PCDH9: variants seen among roughly 807,000 people sequenced by gnomAD.
PCDH9 encodes protocadherin 9, also known as protocadherin-9.
In PCDH9, 24 loss-of-function variants were observed where a neutral mutation model predicts 70.6. The observed-to-expected ratio is 0.34, with a 90% CI of 0.25 to 0.48. PCDH9 has a LOEUF of 0.48. PCDH9 is among the 20% of genes least tolerant of loss of function. PCDH9 has a pLI of 0.99. For synonymous variants in PCDH9, 562 were observed against 558.5 expected (o/e 1.01, Z -0.09); for missense variants, 1,281 against 1,503.6 (o/e 0.85, Z 2.45).
At chr13:66,864,004 G>A (rs1270601683) in intron 3 of PCDH9, among the ~76,000 whole-genome samples, 1 of 152,054 alleles carries the variant, frequency 6.6e-6, no homozygotes, top group East Asian at 1.9e-4. Flanking sequence ...GTGGCAGCAA[G>A]GACAAGTGCC....
At chr13:66,815,263 CA>C in intron 3 of PCDH9, among the ~76,000 whole-genome samples, 1 of 152,042 alleles carries the variant, frequency 6.6e-6, no homozygotes, top group East Asian at 1.9e-4. Context: ...ATTAAAAAGT[CA>C]AAAAAATAAC....
intron 2 of PCDH9, among the ~76,000 whole-genome samples, chr13:67,067,787 G>A (rs1184967124): frequency 7.5e-6 from 1 of 134,098 alleles, no homozygotes; most frequent in Non-Finnish European, 1.6e-5. Context: ...GATGGGGGGG[G>A]CAGTTTCATC....
chr13:66,879,466 T>G (rs2081883299), intron 3 of PCDH9, among the ~76,000 whole-genome samples: 1 of 151,920 alleles, frequency 6.6e-6, no homozygotes, highest in Non-Finnish European at 1.5e-5. Flanking sequence ...TTGCTTTCCT[T>G]GTAGTCCCCA....
chr13:67,029,875 A>C (rs1191813943), intron 2 of PCDH9, among the ~76,000 whole-genome samples: 2 of 152,146 alleles, frequency 1.3e-5, no homozygotes, highest in Non-Finnish European at 2.9e-5. Flanking sequence ...TTTTGAAACA[A>C]GCCAGAACAC....
In PCDH9 at chr13:66,455,825, A is replaced by T. The variant is rs1594009884; in HGVS notation, c.3341-150797T>A. ...GTAAGTAAAAATATCCAGCCAATAT[A>T]GTGTATTGTAGTAAATTTTATATAC... On this transcript the variant is annotated intron_variant, in intron 4 of 4. Transcript: ENST00000377865. Among the ~76,000 whole-genome samples the T allele has an allele frequency of 2.0e-5, 3 of 152,228 alleles. No individual in the cohort carries two copies. The South Asian group carries it at 6.2e-4, about 32-fold the overall frequency.
At position 66,304,201 on chromosome 13, in the gene PCDH9, T is replaced by C. The variant is rs1955418054; in HGVS notation, c.*454A>G. The C allele has an allele frequency of 6.6e-6, 1 of 151,202 alleles. No homozygotes were observed. Among genetic ancestry groups the C allele is most frequent in the South Asian group, 2.0e-4 (1 of 5,084 alleles). 9.4% of individuals were successfully genotyped at this position (151,202 alleles called of 1,614,324 possible). ...CAGCACAATAGGTTTAATGCTTATC[T>C]CTTTAAGTTTTGTTTGCAGTATAAT... On this transcript the variant is annotated 3_prime_UTR_variant, in exon 5 of 5. Coordinates refer to ENST00000377865, the MANE Select transcript of PCDH9 (RefSeq NM_203487.3).
intron 3 of PCDH9, among the ~76,000 whole-genome samples, chr13:66,767,080 A>G (rs1010462075): frequency 6.6e-5 from 10 of 152,078 alleles, no homozygotes; most frequent in Non-Finnish European, 1.5e-4. Flanking sequence ...TAGGTCTGAT[A>G]CAGCGTCTAA....
intron 3 of PCDH9, among the ~76,000 whole-genome samples, chr13:66,722,719 G>A (rs948919151): frequency 1.3e-5 from 2 of 152,108 alleles, no homozygotes; most frequent in Admixed American, 6.5e-5. Context: ...TGTAATCCCA[G>A]CACTTTGGGA....
chr13:66,636,603 G>T (rs909539265), intron 3 of PCDH9, among the ~76,000 whole-genome samples: 1 of 152,020 alleles, frequency 6.6e-6, no homozygotes, highest in South Asian at 2.1e-4. Flanking sequence ...ATTTGTAATT[G>T]TTTAAATATG....
intron 3 of PCDH9, among the ~76,000 whole-genome samples, chr13:66,840,402 A>G (rs796644642): frequency 1.3e-5 from 2 of 152,364 alleles, no homozygotes; most frequent in African/African-American, 4.8e-5. Flanking sequence ...TGACTTATTC[A>G]TGGGCATTGA....
intron 4 of PCDH9, among the ~76,000 whole-genome samples, chr13:66,472,161 G>A (rs1363821439): frequency 1.4e-5 from 2 of 142,294 alleles, no homozygotes; most frequent in Admixed American, 1.5e-4. Flanking sequence ...ACAGTGAGCC[G>A]ATATCGTGCC....
At chr13:66,796,785 ATG>A (rs1310342764) in intron 3 of PCDH9, among the ~76,000 whole-genome samples, 5 of 152,198 alleles carry the variant, frequency 3.3e-5, no homozygotes, top group Admixed American at 1.3e-4. Flanking sequence ...ATTATATTAG[ATG>A]TGTGTTATTA....
intron 4 of PCDH9, among the ~76,000 whole-genome samples, chr13:66,473,972 T>C (rs1330069214): frequency 6.6e-6 from 1 of 152,200 alleles, no homozygotes; most frequent in African/African-American, 2.4e-5. Context: ...GATATGTGTA[T>C]AGCAACAATA....
Position 66,750,988 on chromosome 13 carries a change from C to T in PCDH9, c.3139-119577G>A, listed in dbSNP as rs1050218138. On this transcript the variant is annotated intron_variant, in intron 3 of 4. Coordinates refer to ENST00000377865, the MANE Select transcript of PCDH9 (RefSeq NM_203487.3). ...TTTCTAAGACATGAAATATCAGAAA[C>T]GGGCCATTTTAATTTGTATTAAACA... Among the ~76,000 whole-genome samples, 3 of 152,110 alleles carry T rather than the reference C, an allele frequency of 2.0e-5. No homozygotes were observed. In the East Asian group the frequency reaches 5.8e-4, roughly 30 times the overall value.
At chr13:66,873,559 T>C (rs1313442956) in intron 3 of PCDH9, among the ~76,000 whole-genome samples, 1 of 152,160 alleles carries the variant, frequency 6.6e-6, no homozygotes, top group Admixed American at 6.6e-5. Context: ...CAGGTTTTTC[T>C]CCTAATCTCC....
chr13:67,226,312 T>C lies in PCDH9; in HGVS notation c.2129A>G (p.Asn710Ser). The change falls in exon 2 of 5, where the codon AAC (asparagine) becomes AGC (serine). Residue 710 changes from asparagine to serine, a missense_variant. By Grantham distance (46) the Asn-to-Ser change is conservative (BLOSUM62 1). This residue lies in a region of PCDH9 where 798 missense variants were observed against 1,003.1 expected (regional missense o/e 0.80). Coordinates refer to ENST00000377865, the MANE Select transcript of PCDH9 (RefSeq NM_203487.3). This position sits in a 1 kb window ranked among gnomAD's most constrained non-coding sequence, Gnocchi z 5.0. Reference protein sequence around the residue: ...VFAVDVDTGMNAELKYTIVSG... With the variant: ...VFAVDVDTGMSAELKYTIVSG... The stretch of plus-strand genomic sequence containing the variant: ...CACTATAGTATACTTTAGTTCAGCG[T>C]TCATTCCAGTGTCAACATCCACTGC... 5 of 1,614,206 alleles carry C rather than the reference T, an allele frequency of 3.1e-6. No homozygotes were observed. Among genetic ancestry groups the C allele is most frequent in the Non-Finnish European group, 2.5e-6 (3 of 1,180,018 alleles).
chr13:66,879,529 T>C (rs992045372), intron 3 of PCDH9, among the ~76,000 whole-genome samples: 4 of 152,122 alleles, frequency 2.6e-5, no homozygotes, highest in African/African-American at 9.7e-5. Flanking sequence ...ACACACATCA[T>C]TACAGATGAC....
chr13:66,744,421 A>T (rs1170518647), intron 3 of PCDH9, among the ~76,000 whole-genome samples: 1 of 152,152 alleles, frequency 6.6e-6, no homozygotes, highest in Non-Finnish European at 1.5e-5. Context: ...AATTTTTTAA[A>T]AATTTATTTA....
intron 2 of PCDH9, among the ~76,000 whole-genome samples, chr13:67,018,912 G>A (rs184888692): frequency 6.6e-6 from 1 of 152,182 alleles, no homozygotes; most frequent in Admixed American, 6.5e-5. Flanking sequence ...AAATAAGACC[G>A]TTTCTGATCT....
Sources: gnomAD v4.1 joint callset for allele counts (sites outside exome capture counted in the v4.1 genomes callset) on GRCh38, gnomAD v4.1.1 for gene constraint, gnomAD v4.1.1 regional missense constraint, Gnocchi (gnomAD v3.1) non-coding constraint, MANE v1.5 for transcripts, NCBI Gene and HGNC (gene_info 2026-07-23, HGNC 2026-07-21) for gene names.